CNRIP1: variants seen among roughly 807,000 people sequenced by gnomAD.
The protein encoded by CNRIP1 is cannabinoid receptor interacting protein 1, also known as CB1 cannabinoid receptor-interacting protein 1.
In CNRIP1, 10 loss-of-function variants were observed where a neutral mutation model predicts 15.2. The observed-to-expected ratio is 0.66, with a 90% confidence interval of 0.41 to 1.12. The LOEUF (loss-of-function observed/expected upper bound fraction) is 1.12. CNRIP1 is among the 50% of genes most tolerant of loss of function. The pLI, the probability that CNRIP1 is intolerant of heterozygous loss-of-function variation, is 0.00. For missense variants in CNRIP1, 211 were observed against 214.7 expected (o/e 0.98, Z 0.11); for synonymous variants, 91 against 83.2 (o/e 1.09, Z -0.51).
At position 68,293,277 on chromosome 2, in the gene CNRIP1, T is replaced by C; in HGVS notation, c.*585A>G. 1.0e-6 allele frequency: 1 copy of C among 986,034 alleles called. No homozygotes were observed. Among genetic ancestry groups the C allele is most frequent in the Non-Finnish European group, 1.2e-6 (1 of 830,312 alleles). The allele number at this position is 986,034 out of a possible 1,614,324, so 61.1% of individuals were successfully genotyped here. ...TTTTAATACGTTATAAATACGTACA[T>C]ATTTGTCCTTCTAGTTTGTTACCAT... On this transcript the variant is annotated 3_prime_UTR_variant, in exon 3 of 3. Coordinates refer to ENST00000263655, the MANE Select transcript of CNRIP1 (RefSeq NM_015463.3).
chr2:68,293,535 G>T lies in CNRIP1; in HGVS notation c.*327C>A. 9.7e-7 allele frequency: 1 copy of T among 1,027,494 alleles called. No homozygotes were observed. The highest frequency in any genetic ancestry group is 1.2e-6 in the Non-Finnish European group (1 of 855,996). The allele number at this position is 1,027,494 out of a possible 1,614,324, so 63.6% of individuals were successfully genotyped here. On this transcript the variant is annotated 3_prime_UTR_variant, in exon 3 of 3. Coordinates refer to ENST00000263655, the MANE Select transcript of CNRIP1 (RefSeq NM_015463.3). ...GGAAACAAAACACCAAAGTTAGTCA[G>T]TGGAATGGTCAAGAGCAGGACAAGC...
chr2:68,314,845 C>T (rs1046848397), intron 2 of CNRIP1, among the ~76,000 whole-genome samples: 2 of 151,818 alleles, frequency 1.3e-5, no homozygotes, highest in Non-Finnish European at 2.9e-5. Context: ...CAAATACTTT[C>T]CAATATAAAA....
Position 68,293,658 on chromosome 2 carries a change from C to T in CNRIP1, c.*204G>A. 2 of 1,294,498 alleles carry T rather than the reference C, an allele frequency of 1.5e-6. No homozygotes were observed. Among genetic ancestry groups the T allele is most frequent in the Non-Finnish European group, 2.0e-6 (2 of 1,013,624 alleles). 80.2% of individuals were successfully genotyped at this position (1,294,498 alleles called of 1,614,324 possible). The stretch of plus-strand genomic sequence containing the variant: ...AGCACAAAATACAGATGGGAATATT[C>T]TCGGGAGTGGTACATCACCATCTTG... On this transcript the variant is annotated 3_prime_UTR_variant, in exon 3 of 3. Coordinates refer to ENST00000263655, the MANE Select transcript of CNRIP1 (RefSeq NM_015463.3).
rs755417893 is a variant in CNRIP1, at chr2:68,319,308, G to A, written c.93C>T (p.Arg31=). ...GPVFYKVDGQ[R]FGQNRTIKLL... is the part of the protein sequence containing the mutation. The stretch of plus-strand genomic sequence containing the variant: ...GCTTGATGGTGCGGTTCTGGCCGAA[G>A]CGCTGCCCGTCCACCTTGTAAAAGA... Residue 31 remains arginine, a synonymous_variant, in exon 1 of 3, where the codon CGC becomes CGT. Coordinates refer to ENST00000263655, the MANE Select transcript of CNRIP1 (RefSeq NM_015463.3). 18 of 1,555,956 alleles carry A rather than the reference G, an allele frequency of 1.2e-5. No individual in the cohort carries two copies. In the East Asian group the frequency reaches 4.3e-4, roughly 37 times the overall value.
chr2:68,287,569 G>A (rs192884517), intron 2 of CNRIP1, among the ~76,000 whole-genome samples: 9 of 152,304 alleles, frequency 5.9e-5, no homozygotes, highest in East Asian at 5.8e-4. Context: ...GTTCCATGCC[G>A]TATCTTCTCA....
In CNRIP1 at chr2:68,307,478, C is replaced by G. The variant is rs147850530; in HGVS notation, c.330+9679G>C. Among the ~76,000 whole-genome samples, 4 of 152,264 alleles carry G rather than the reference C, an allele frequency of 2.6e-5. No individual in the cohort carries two copies. The Middle Eastern group carries it at 0.014, about 518-fold the overall frequency. ...CTGAGACTACAGGCATATGTCACCA[C>G]GCCTGGCTCATTTTTTATTTTTTAT... On this transcript the variant is annotated intron_variant, in intron 2 of 2. Transcript: ENST00000263655.
At chr2:68,304,035 C>A (rs982655003) in intron 2 of CNRIP1, among the ~76,000 whole-genome samples, 2 of 151,898 alleles carry the variant, frequency 1.3e-5, no homozygotes, top group African/African-American at 4.8e-5. Flanking sequence ...CAAGATCACA[C>A]CACTGCACTC....
At chr2:68,311,546 G>A (rs1489155593) in intron 2 of CNRIP1, among the ~76,000 whole-genome samples, 1 of 152,064 alleles carries the variant, frequency 6.6e-6, no homozygotes, top group Admixed American at 6.5e-5. Context: ...GGACAAGGTG[G>A]GCGGATCTTG....
downstream of CNRIP1, among the ~76,000 whole-genome samples, chr2:68,292,508 C>G (rs1671200194): frequency 6.6e-6 from 1 of 152,166 alleles, no homozygotes; most frequent in African/African-American, 2.4e-5. Flanking sequence ...CGAACTTTTT[C>G]CAATACTATA....
At chr2:68,312,564 C>T (rs1272386979) in intron 2 of CNRIP1, among the ~76,000 whole-genome samples, 1 of 152,092 alleles carries the variant, frequency 6.6e-6, no homozygotes, top group Non-Finnish European at 1.5e-5. Context: ...CAAGAATGTC[C>T]ACTCTCACCA....
intron 2 of CNRIP1, among the ~76,000 whole-genome samples, chr2:68,309,037 A>G (rs1016657632): frequency 2.6e-5 from 4 of 152,204 alleles, no homozygotes; most frequent in Non-Finnish European, 5.9e-5. Context: ...ACAAAACAAA[A>G]ATAAAAATGA....
chr2:68,293,298 A>G lies in CNRIP1; in HGVS notation c.*564T>C. 1 of 986,010 alleles carries G rather than the reference A, an allele frequency of 1.0e-6. No homozygotes were observed. 61.1% of individuals were successfully genotyped at this position (986,010 alleles called of 1,614,324 possible). A position where few individuals can be genotyped will look rare whatever the true frequency, so the allele number is the denominator to read the frequency against. On this transcript the variant is annotated 3_prime_UTR_variant, in exon 3 of 3. Coordinates refer to ENST00000263655, the MANE Select transcript of CNRIP1 (RefSeq NM_015463.3). The stretch of plus-strand genomic sequence containing the variant: ...TACATATTTGTCCTTCTAGTTTGTT[A>G]CCATCCTTCCCTGAAAGAGCGGAGC...
chr2:68,308,030 A>T (rs1434007091), intron 2 of CNRIP1, among the ~76,000 whole-genome samples: 1 of 152,082 alleles, frequency 6.6e-6, no homozygotes, highest in East Asian at 1.9e-4. Context: ...CCATCTCCAC[A>T]AAAAATTTAA....
At chr2:68,292,409 T>C (rs1671197250), downstream of CNRIP1, among the ~76,000 whole-genome samples, 2 of 152,212 alleles carry the variant, frequency 1.3e-5, no homozygotes, top group African/African-American at 4.8e-5. Context: ...AATTCAGTTC[T>C]ACAATGAATC....
intron 2 of CNRIP1, among the ~76,000 whole-genome samples, chr2:68,298,583 A>G (rs1671475405): frequency 6.6e-6 from 1 of 152,258 alleles, no homozygotes; most frequent in African/African-American, 2.4e-5. Flanking sequence ...ATCTGCCAAT[A>G]GCAACAGTCA....
Position 68,285,697 on chromosome 2 carries a change from G to T in CNRIP1, c.331-1213C>A, listed in dbSNP as rs144538554. Among the ~76,000 whole-genome samples the T allele has an allele frequency of 1.4e-4, 17 of 119,382 alleles. 1 individual carries two copies. In the East Asian group the frequency reaches 2.8e-3, roughly 20 times the overall value. 78.3% of individuals were successfully genotyped at this position (119,382 alleles called of 152,430 possible). ...AGAAAAGAAAAGAAAAGAAAAGAAA[G>T]AAAGGCAGAACCTTTAGGCAGCAGA... On this transcript the variant is annotated intron_variant, in intron 2 of 2. Coordinates refer to the CNRIP1 transcript ENST00000409559.
At chr2:68,316,494 CAT>C (rs1672276631) in intron 2 of CNRIP1, 1 of 152,070 alleles carries the variant, frequency 6.6e-6, no homozygotes, top group African/African-American at 2.4e-5. Flanking sequence ...TATGTTTGCA[CAT>C]ATAGTTAAAT....
chr2:68,289,100 G>A (rs1476764922), downstream of CNRIP1, among the ~76,000 whole-genome samples: 1 of 152,170 alleles, frequency 6.6e-6, no homozygotes, highest in Non-Finnish European at 1.5e-5. Context: ...CTACCTCACA[G>A]GGTGGTTAAG....
chr2:68,305,824 C>CAA (rs1671821330), intron 2 of CNRIP1, among the ~76,000 whole-genome samples: 1 of 145,808 alleles, frequency 6.9e-6, no homozygotes, highest in African/African-American at 2.5e-5. Flanking sequence ...CACACACACA[C>CAA]CTGGCAGTAA....
Sources: allele counts gnomAD v4.1 joint callset (sites outside exome capture counted in the v4.1 genomes callset), GRCh38; gene constraint gnomAD v4.1.1; transcripts MANE v1.5; gene names NCBI Gene and HGNC (gene_info 2026-07-23, HGNC 2026-07-21).